PAX7: variants seen among roughly 807,000 people sequenced by gnomAD.
The protein encoded by PAX7 is paired box protein Pax-7.
In PAX7, 18 loss-of-function variants were observed where a neutral mutation model predicts 50.7. The observed-to-expected ratio is 0.36, with a 90% CI of 0.25 to 0.53. PAX7 has a LOEUF of 0.53. Among genes scored for constraint, PAX7 ranks in the 20% least tolerant of loss-of-function variants. The pLI, the probability that PAX7 is intolerant of heterozygous loss-of-function variation, is 0.93. For missense variants in PAX7, 644 were observed against 702.9 expected (o/e 0.92, Z 0.95); for synonymous variants, 310 against 290.4 (o/e 1.07, Z -0.69).
chr1:18,650,082 G>A (rs1196269840), intron 4 of PAX7, among the ~76,000 whole-genome samples: 1 of 152,166 alleles, frequency 6.6e-6, no homozygotes, highest in Non-Finnish European at 1.5e-5. Context: ...GGGGAGGCAG[G>A]GCTTTGTCCT....
At chr1:18,692,976 C>G (rs1033404591) in intron 5 of PAX7, among the ~76,000 whole-genome samples, 9 of 152,142 alleles carry the variant, frequency 5.9e-5, no homozygotes, top group Non-Finnish European at 8.8e-5. Flanking sequence ...TTCCAGGAGG[C>G]CTACAGTTGT....
chr1:18,690,565 C>A (rs554157155), intron 4 of PAX7, among the ~76,000 whole-genome samples: 1 of 152,298 alleles, frequency 6.6e-6, no homozygotes, highest in African/African-American at 2.4e-5. Flanking sequence ...CTTCCTGCAG[C>A]CTCCCTAGCT....
intron 4 of PAX7, among the ~76,000 whole-genome samples, chr1:18,681,460 G>A (rs910348633): frequency 3.9e-5 from 6 of 152,128 alleles, no homozygotes. Context: ...GGTCTGCCAC[G>A]AGAATACAGG....
chr1:18,708,418 G>A (rs1451000792), intron 7 of PAX7, among the ~76,000 whole-genome samples: 2 of 151,962 alleles, frequency 1.3e-5, no homozygotes, highest in Non-Finnish European at 2.9e-5. Flanking sequence ...AGCCAGATAC[G>A]GTGGGGCGAG....
intron 4 of PAX7, among the ~76,000 whole-genome samples, chr1:18,673,953 T>G (rs2088789254): frequency 6.6e-6 from 1 of 152,238 alleles, no homozygotes; most frequent in Admixed American, 6.5e-5. Flanking sequence ...TAGCTGGGGC[T>G]TCCAGCGTGG....
chr1:18,727,635 C>G (rs1362211805), intron 7 of PAX7, among the ~76,000 whole-genome samples: 1 of 152,136 alleles, frequency 6.6e-6, no homozygotes, highest in Non-Finnish European at 1.5e-5. Context: ...CATGATGAGG[C>G]TTAAAGGGAA....
At position 18,744,985 on chromosome 1, in the gene PAX7, T is replaced by A. The variant is rs1931372824; in HGVS notation, c.*56T>A. 1 of 1,050,766 alleles carries A rather than the reference T, an allele frequency of 9.5e-7. No individual in the cohort carries two copies. Among genetic ancestry groups the A allele is most frequent in the Non-Finnish European group, 1.4e-6 (1 of 697,278 alleles). 65.1% of individuals were successfully genotyped at this position (1,050,766 alleles called of 1,614,324 possible). A position where few individuals can be genotyped will look rare whatever the true frequency, so the allele number is the denominator to read the frequency against. ...TCCCAGCCCAACCCTAACTGACCCCTGAGCTTCCCAGCCTTGCCGCCTCAC... is the reference window on the plus strand; with the variant it reads ...TCCCAGCCCAACCCTAACTGACCCCAGAGCTTCCCAGCCTTGCCGCCTCAC... On this transcript the variant is annotated 3_prime_UTR_variant, in exon 9 of 9. Transcript: ENST00000420770.
intron 4 of PAX7, among the ~76,000 whole-genome samples, chr1:18,650,844 G>A (rs532332356): frequency 1.1e-4 from 17 of 152,080 alleles, no homozygotes; most frequent in Non-Finnish European, 2.5e-4. Context: ...CTTTTGTTAC[G>A]GTCACCTGTC....
In PAX7 at chr1:18,745,205, C is replaced by A; in HGVS notation, c.*276C>A. The A allele has an allele frequency of 2.1e-6, 1 of 482,630 alleles. No homozygotes were observed. Among genetic ancestry groups the A allele is most frequent in the South Asian group, 2.7e-5 (1 of 37,206 alleles). The allele number at this position is 482,630 out of a possible 1,614,324, so 29.9% of individuals were successfully genotyped here. On this transcript the variant is annotated 3_prime_UTR_variant, in exon 9 of 9. Coordinates refer to ENST00000420770, the MANE Select transcript of PAX7 (RefSeq NM_001135254.2). ...CTCCCCTGTCAAATCCCATGGTGGC[C>A]TCTGTGCCATCTCAGGCATGGAGAT...
chr1:18,655,907 C>A (rs1388136200), intron 4 of PAX7, among the ~76,000 whole-genome samples: 1 of 151,886 alleles, frequency 6.6e-6, no homozygotes, highest in Non-Finnish European at 1.5e-5. Flanking sequence ...CATCTACTTC[C>A]TTCCTTCCTG....
chr1:18,731,882 C>G (rs2089651551), intron 7 of PAX7, among the ~76,000 whole-genome samples: 1 of 152,224 alleles, frequency 6.6e-6, no homozygotes, highest in African/African-American at 2.4e-5. Flanking sequence ...TCCAAGGCCT[C>G]TTGAGCCACC....
At chr1:18,715,979 C>G (rs2089415012) in intron 7 of PAX7, among the ~76,000 whole-genome samples, 1 of 152,064 alleles carries the variant, frequency 6.6e-6, no homozygotes, top group South Asian at 2.1e-4. Context: ...CCATCCTGTT[C>G]CCCCCGCTCC....
At chr1:18,685,340 A>G (rs1368533604) in intron 4 of PAX7, among the ~76,000 whole-genome samples, 1 of 152,208 alleles carries the variant, frequency 6.6e-6, no homozygotes, top group Non-Finnish European at 1.5e-5. Flanking sequence ...AGACTTTGCC[A>G]AGCTCTGTCA....
chr1:18,701,042 A>G (rs2089212469), intron 6 of PAX7, among the ~76,000 whole-genome samples: 1 of 152,096 alleles, frequency 6.6e-6, no homozygotes, highest in African/African-American at 2.4e-5. Context: ...TTTAGAACTG[A>G]GCTTCTCAAA....
rs569705000 is a variant in PAX7, at chr1:18,700,184, G to A, written c.787-469G>A. ...GCCTCAGTCTCCAGAGAAAGAACCC[G>A]GCTTGCACATCTGGGTCTGAAGTGC... is the stretch of plus-strand genomic sequence containing the variant. On this transcript the variant is annotated intron_variant, in intron 5 of 8. Coordinates refer to ENST00000420770, the MANE Select transcript of PAX7 (RefSeq NM_001135254.2). The surrounding 1 kb of genome is among the most constrained non-coding windows in gnomAD (Gnocchi z 4.8). 2.6e-5 allele frequency among the ~76,000 whole-genome samples: 4 copies of A among 151,804 alleles called. No homozygotes were observed. The highest frequency in any genetic ancestry group is 7.2e-5 in the African/African-American group (3 of 41,410).
chr1:18,703,408 T>C, intron 7 of PAX7, 112 bp downstream of exon 7: 1 of 948,588 alleles, frequency 1.1e-6, no homozygotes. Context: ...CTGACTGCGG[T>C]TGGGGTTTTT....
intron 8 of PAX7, 43 bp from the exon 9 acceptor site, chr1:18,744,771 A>G (rs536450240): frequency 6.5e-6 from 8 of 1,226,236 alleles, no homozygotes; most frequent in Middle Eastern, 1.9e-4. Flanking sequence ...AAGAATAAAC[A>G]AAAAGAACCT....
At chr1:18,631,770 C>A in intron 1 of PAX7, 82 bp downstream of exon 1, 1 of 1,149,546 alleles carries the variant, frequency 8.7e-7, no homozygotes, top group Non-Finnish European at 1.3e-6. Context: ...CTCCAGGGGA[C>A]GGTGGCGGCG....
rs2088169212 is a variant in PAX7 at position 18,636,946 on chromosome 1, G to C, written c.586+575G>C. ...TGACTCAGCCCCGCGTTGCCAGGGC[G>C]GACTGGGGGACAGAGAGTGCCTTCC... On this transcript the variant is annotated intron_variant, in intron 4 of 8. Transcript: ENST00000420770. The surrounding 1 kb of genome is among the most constrained non-coding windows in gnomAD (Gnocchi z 5.1). 6.6e-6 allele frequency among the ~76,000 whole-genome samples: 1 copy of C among 152,202 alleles called. No homozygotes were observed. The highest frequency in any genetic ancestry group is 2.4e-5 in the African/African-American group (1 of 41,468).
Sources: gnomAD v4.1 joint callset for allele counts (sites outside exome capture counted in the v4.1 genomes callset) on GRCh38, gnomAD v4.1.1 for gene constraint, Gnocchi (gnomAD v3.1) non-coding constraint, MANE v1.5 for transcripts, NCBI Gene and HGNC (gene_info 2026-07-23, HGNC 2026-07-21) for gene names.